The following RARS2 variants were observed in gnomAD, a reference collection of about 807,000 sequenced individuals.
The protein encoded by RARS2 is arginyl-tRNA synthetase 2, mitochondrial.
RARS2 carries 67 observed loss-of-function variants against 88.5 expected under a neutral mutation model. That is an observed-to-expected ratio of 0.76 (90% CI 0.62 to 0.93). The LOEUF (loss-of-function observed/expected upper bound fraction) is 0.93, where lower values mean the gene tolerates loss of function less well. Among genes scored for constraint, RARS2 ranks in the 40% least tolerant of loss-of-function variants. The probability of loss-of-function intolerance (pLI) is 0.00; values close to 1 mark genes in which losing one functional copy is unlikely to be tolerated. For synonymous variants in RARS2, 239 were observed against 230.3 expected, an observed-to-expected ratio of 1.04 and a Z score of -0.34; for missense variants, 664 against 684.2, an observed-to-expected ratio of 0.97 and a Z score of 0.33.
chr6:87,519,978 A>G (rs1461808035), intron 13 of RARS2, among the ~76,000 whole-genome samples: 1 of 152,230 alleles, frequency 6.6e-6, no homozygotes, highest in African/African-American at 2.4e-5. Flanking sequence ...CTGAGAGCAG[A>G]TAACTAGTAA....
intron 6 of RARS2, among the ~76,000 whole-genome samples, chr6:87,548,098 C>A (rs191416979): frequency 6.6e-6 from 1 of 152,092 alleles, no homozygotes; most frequent in South Asian, 2.1e-4. Context: ...CAAAAATTAG[C>A]CAGGCATGGT....
chr6:87,581,128 TCA>T (rs1242280415), intron 1 of RARS2, among the ~76,000 whole-genome samples: 1 of 152,204 alleles, frequency 6.6e-6, no homozygotes, highest in Non-Finnish European at 1.5e-5. Flanking sequence ...AAAAATATTC[TCA>T]GTCTGGCTCT....
rs776106248 is a variant in RARS2 at position 87,589,913 on chromosome 6, G to A, written c.36+9C>T. 3.1e-6 allele frequency: 5 copies of A among 1,613,896 alleles called. No individual in the cohort carries two copies. Among genetic ancestry groups the A allele is most frequent in the Admixed American group, 3.3e-5 (2 of 59,998 alleles). On this transcript the variant is annotated intron_variant, in intron 1 of 19. Coordinates refer to ENST00000369536, the MANE Select transcript of RARS2 (RefSeq NM_020320.5). ...TCAGGGACTCCTCTGCGCGCTCCGGGATCCATACCTGGCAAGCAATAGCGC... is the reference window on the plus strand; with the variant it reads ...TCAGGGACTCCTCTGCGCGCTCCGGAATCCATACCTGGCAAGCAATAGCGC...
intron 7 of RARS2, among the ~76,000 whole-genome samples, chr6:87,543,234 C>T (rs1490479667): frequency 4.0e-5 from 6 of 151,892 alleles, no homozygotes; most frequent in South Asian, 4.2e-4. Flanking sequence ...ACCTGGGAGG[C>T]GGAGGTTGCG....
chr6:87,565,944 A>C (rs1767726937), intron 2 of RARS2, among the ~76,000 whole-genome samples: 1 of 152,198 alleles, frequency 6.6e-6, no homozygotes, highest in Admixed American at 6.5e-5. Flanking sequence ...GGTTAACATC[A>C]CATTTAAAAA....
intron 2 of RARS2, among the ~76,000 whole-genome samples, chr6:87,565,274 A>C (rs1375213157): frequency 1.3e-5 from 2 of 152,210 alleles, no homozygotes; most frequent in East Asian, 1.9e-4. Flanking sequence ...CATATTTTTT[A>C]AATGTTGTAA....
chr6:87,562,663 G>C, intron 4 of RARS2, 39 bp downstream of exon 4: 4 of 1,473,484 alleles, frequency 2.7e-6, no homozygotes, highest in Non-Finnish European at 3.8e-6. Context: ...GAAGCAGACA[G>C]AATGAAAGCA....
chr6:87,551,593 C>T (rs1171990268), intron 5 of RARS2, among the ~76,000 whole-genome samples: 2 of 127,910 alleles, frequency 1.6e-5, no homozygotes, highest in African/African-American at 6.1e-5. Context: ...CACTGCACTC[C>T]AGCCTGAGCG....
chr6:87,563,390 C>T (rs574382592), intron 3 of RARS2, among the ~76,000 whole-genome samples: 2 of 152,250 alleles, frequency 1.3e-5, no homozygotes, highest in Non-Finnish European at 2.9e-5. Flanking sequence ...TAATTCTATT[C>T]CTGGTAAATA....
At chr6:87,534,045 G>A (rs1175605078) in intron 8 of RARS2, among the ~76,000 whole-genome samples, 1 of 152,024 alleles carries the variant, frequency 6.6e-6, no homozygotes, top group Non-Finnish European at 1.5e-5. Context: ...GTTTAGAAAA[G>A]AACATGTAAA....
At chr6:87,538,957 C>G (rs1336504555) in intron 8 of RARS2, among the ~76,000 whole-genome samples, 6 of 151,768 alleles carry the variant, frequency 4.0e-5, no homozygotes, top group Admixed American at 3.9e-4. Flanking sequence ...TCACCTGAGC[C>G]TGGGAGGTCA....
chr6:87,514,580 T>G, intron 19 of RARS2, 81 bp from the exon 20 acceptor site: 1 of 1,214,512 alleles, frequency 8.2e-7, no homozygotes, highest in Non-Finnish European at 1.2e-6. Flanking sequence ...TTAAAGGTTA[T>G]TCTTTCTAGT....
In RARS2 at chr6:87,540,596, C is replaced by T. The variant is rs1011711908; in HGVS notation, c.612+1322G>A. ...AAGTAAAGCATTATTTTTGCAAGTG[C>T]TTTTTCTCACACACAAGCAGAACAT... On this transcript the variant is annotated intron_variant, in intron 8 of 19. Transcript: ENST00000369536. Among the ~76,000 whole-genome samples, 7 of 152,110 alleles carry T rather than the reference C, an allele frequency of 4.6e-5. No homozygotes were observed. The South Asian group carries it at 1.5e-3, about 32-fold the overall frequency.
intron 8 of RARS2, among the ~76,000 whole-genome samples, chr6:87,537,516 C>T (rs1246410160): frequency 2.0e-5 from 3 of 152,118 alleles, no homozygotes; most frequent in Non-Finnish European, 4.4e-5. Context: ...ACAAACAATA[C>T]ATTTTATATT....
rs774755297 is a variant in RARS2 at position 87,545,673 on chromosome 6, CTTCT to C, written c.474_477del (p.Glu159LeufsTer2). On this transcript the variant is annotated frameshift_variant, in exon 7 of 20. Coordinates refer to ENST00000369536, the MANE Select transcript of RARS2 (RefSeq NM_020320.5). LOFTEE classifies it high-confidence loss of function. ...ATTCTTATTACTTGATGTCCTAAAG[CTTCT>C]TTGAGATTTGCTATAAAATTTCCTA... 9 of 1,613,360 alleles carry C rather than the reference CTTCT, an allele frequency of 5.6e-6. No homozygotes were observed. Among genetic ancestry groups the C allele is most frequent in the African/African-American group, 2.7e-5 (2 of 74,894 alleles).
In RARS2 at chr6:87,564,181, ATT is replaced by A. The variant is rs756101515; in HGVS notation, c.160_161del (p.Asn54Ter). 5 of 1,613,736 alleles carry A rather than the reference ATT, an allele frequency of 3.1e-6. No homozygotes were observed. Among genetic ancestry groups the A allele is most frequent in the Non-Finnish European group, 4.2e-6 (5 of 1,179,794 alleles). The part of the protein sequence containing the change: ...LSVDSLLEKD[N>X]DHSRPDIQVQ... ...CTTGAATATCTGGTCTTGAATGGTC[ATT>A]GTCTTTTTCCAATAAAGAATCCACA... On this transcript the variant is annotated frameshift_variant, in exon 3 of 20. Coordinates refer to ENST00000369536, the MANE Select transcript of RARS2 (RefSeq NM_020320.5). LOFTEE classifies it high-confidence loss of function.
chr6:87,589,954 C>T lies in RARS2; in HGVS notation c.4G>A (p.Ala2Thr), dbSNP rs767720724. M[A>T]CGFRRAIACQ... ...GCAATAGCGCGGCGAAAGCCGCACGCCATGTCCACCTCTACGGAAGTGCGC... is the reference window on the plus strand; with the variant it reads ...GCAATAGCGCGGCGAAAGCCGCACGTCATGTCCACCTCTACGGAAGTGCGC... Residue 2 changes from alanine (A) to threonine (T), a missense_variant, in exon 1 of 20, where the codon GCG (alanine) becomes ACG (threonine). Coordinates refer to ENST00000369536, the MANE Select transcript of RARS2 (RefSeq NM_020320.5). 1 of 1,614,248 alleles carries T rather than the reference C, an allele frequency of 6.2e-7. No individual in the cohort carries two copies. The highest frequency in any genetic ancestry group is 1.1e-5 in the South Asian group (1 of 91,090).
intron 8 of RARS2, among the ~76,000 whole-genome samples, chr6:87,536,942 G>A (rs1269638497): frequency 2.0e-5 from 3 of 152,200 alleles, no homozygotes; most frequent in African/African-American, 7.2e-5. Flanking sequence ...GGAAAAGAAT[G>A]CTATAAGGTA....
intron 1 of RARS2, among the ~76,000 whole-genome samples, chr6:87,575,225 GCACACACACACACACA>G (rs58168335): frequency 1.3e-3 from 145 of 114,644 alleles, no homozygotes; most frequent in African/African-American, 2.9e-3. Flanking sequence ...AAAATAGAAA[GCACACACACACACACA>G]CACACACACA....
Sources: allele counts gnomAD v4.1 joint callset (sites outside exome capture counted in the v4.1 genomes callset), GRCh38; gene constraint gnomAD v4.1.1; transcripts MANE v1.5; gene names NCBI Gene and HGNC (gene_info 2026-07-23, HGNC 2026-07-21).